The following NUBPL variants were observed in gnomAD, a reference collection of about 807,000 sequenced individuals.
NUBPL encodes NUBP iron-sulfur cluster assembly factor, mitochondrial.
A neutral mutation model predicts 45.7 loss-of-function variants in NUBPL; 31 were observed. The observed-to-expected ratio is 0.68, with a 90% CI of 0.51 to 0.92. The LOEUF is 0.92. Among genes scored for constraint, NUBPL ranks in the 40% least tolerant of loss-of-function variants. The pLI is 0.00. For missense variants in NUBPL, 401 were observed against 398.7 expected (o/e 1.01, Z -0.05); for synonymous variants, 144 against 140.9 (o/e 1.02, Z -0.15).
At chr14:31,641,866 A>ATG (rs1289674999) in intron 4 of NUBPL, among the ~76,000 whole-genome samples, 19 of 152,212 alleles carry the variant, frequency 1.2e-4, no homozygotes, top group Non-Finnish European at 2.1e-4. Flanking sequence ...TTTTGACAAA[A>ATG]GCCATTTTAA....
intron 8 of NUBPL, among the ~76,000 whole-genome samples, chr14:31,831,885 G>T (rs1484032048): frequency 6.6e-6 from 1 of 152,138 alleles, no homozygotes; most frequent in Non-Finnish European, 1.5e-5. Context: ...ATCTGATAGA[G>T]ATGAATAAAA....
intron 3 of NUBPL, among the ~76,000 whole-genome samples, chr14:31,573,409 T>C (rs75627265): frequency 0.062 from 9,418 of 152,194 alleles, 408 homozygotes; most frequent in Non-Finnish European, 0.091. Flanking sequence ...TGCATATCTC[T>C]CCTGGGTACT....
chr14:31,693,157 TC>T (rs1449919664), intron 6 of NUBPL, among the ~76,000 whole-genome samples: 2 of 152,212 alleles, frequency 1.3e-5, no homozygotes, highest in Non-Finnish European at 2.9e-5. Flanking sequence ...TTTTAAAGGC[TC>T]TTAAAATAGT....
intron 6 of NUBPL, among the ~76,000 whole-genome samples, chr14:31,707,607 T>A (rs1159693820): frequency 1.3e-5 from 2 of 152,170 alleles, no homozygotes; most frequent in Non-Finnish European, 2.9e-5. Context: ...CCCTTGCAAC[T>A]GTTTTAATGT....
intron 6 of NUBPL, among the ~76,000 whole-genome samples, chr14:31,746,915 T>C (rs1263598319): frequency 1.3e-5 from 2 of 151,408 alleles, no homozygotes; most frequent in Non-Finnish European, 2.9e-5. Context: ...ACAAAAAATA[T>C]AAAAATTAGC....
chr14:31,733,926 C>T (rs557257353), intron 6 of NUBPL, among the ~76,000 whole-genome samples: 10 of 152,284 alleles, frequency 6.6e-5, no homozygotes, highest in Non-Finnish European at 1.5e-4. Context: ...CATCATCCAT[C>T]AGCTTCAGAG....
chr14:31,818,155 C>T (rs144674848), intron 7 of NUBPL, among the ~76,000 whole-genome samples: 130 of 152,070 alleles, frequency 8.5e-4, no homozygotes, highest in African/African-American at 3.0e-3. Context: ...AAAGGAGCAC[C>T]CAGATTCATG....
At chr14:31,656,837 C>T (rs911695024) in intron 4 of NUBPL, among the ~76,000 whole-genome samples, 1 of 152,100 alleles carries the variant, frequency 6.6e-6, no homozygotes, top group African/African-American at 2.4e-5. Context: ...TAGACTTGCT[C>T]AATGTAGGGT....
chr14:31,574,347 C>G (rs976905682), intron 3 of NUBPL, among the ~76,000 whole-genome samples: 24 of 151,612 alleles, frequency 1.6e-4, no homozygotes, highest in Non-Finnish European at 2.9e-4. Context: ...TCACTGTAAC[C>G]TCTGTCTCCC....
At chr14:31,575,188 C>T (rs991723618) in intron 3 of NUBPL, among the ~76,000 whole-genome samples, 4 of 152,008 alleles carry the variant, frequency 2.6e-5, no homozygotes, top group Admixed American at 6.6e-5. Context: ...CTTTGAAGTT[C>T]TGTGATCATG....
intron 3 of NUBPL, among the ~76,000 whole-genome samples, chr14:31,587,754 C>A (rs756143453): frequency 2.6e-5 from 4 of 152,138 alleles, no homozygotes; most frequent in Non-Finnish European, 5.9e-5. Context: ...TTACTAGAGG[C>A]TATTTTTCAC....
chr14:31,851,875 T>G (rs2040543231), intron 10 of NUBPL, among the ~76,000 whole-genome samples: 1 of 152,222 alleles, frequency 6.6e-6, no homozygotes, highest in African/African-American at 2.4e-5. Flanking sequence ...TAGATTTTTA[T>G]TATGGTTTTC....
At chr14:31,779,770 T>C (rs2039159518) in intron 6 of NUBPL, among the ~76,000 whole-genome samples, 1 of 152,240 alleles carries the variant, frequency 6.6e-6, no homozygotes, top group African/African-American at 2.4e-5. Flanking sequence ...ACAGATGTAC[T>C]TTTGCTTTCC....
chr14:31,726,540 G>A (rs2037929699), intron 6 of NUBPL, among the ~76,000 whole-genome samples: 1 of 152,184 alleles, frequency 6.6e-6, no homozygotes, highest in African/African-American at 2.4e-5. Flanking sequence ...TTAGTTTGCA[G>A]ATTTCTTCAA....
intron 6 of NUBPL, among the ~76,000 whole-genome samples, chr14:31,676,172 C>G (rs142309925): frequency 6.6e-6 from 1 of 151,944 alleles, no homozygotes; most frequent in Non-Finnish European, 1.5e-5. Flanking sequence ...ACAAGGCATG[C>G]GCCACCACGC....
chr14:31,755,904 G>T lies in NUBPL; in HGVS notation c.514-31876G>T, dbSNP rs531748944. 2.1e-4 allele frequency among the ~76,000 whole-genome samples: 31 copies of T among 150,990 alleles called. No homozygotes were observed. In the East Asian group the frequency reaches 5.8e-3, roughly 28 times the overall value. On this transcript the variant is annotated intron_variant, in intron 6 of 10. Transcript: ENST00000281081. Reference sequence around the variant, plus strand: ...GGTGTAAGGAAGGGATCCAGTTTCAGCTTTGTACATATGGCTAGCCAGTTT... The same window carrying T: ...GGTGTAAGGAAGGGATCCAGTTTCATCTTTGTACATATGGCTAGCCAGTTT...
chr14:31,752,566 A>G (rs1350190778), intron 6 of NUBPL, among the ~76,000 whole-genome samples: 1 of 152,204 alleles, frequency 6.6e-6, no homozygotes, highest in Non-Finnish European at 1.5e-5. Flanking sequence ...CATTGTCCAT[A>G]TTACTATCAG....
intron 7 of NUBPL, among the ~76,000 whole-genome samples, chr14:31,805,281 T>C (rs2039664206): frequency 6.6e-6 from 1 of 152,166 alleles, no homozygotes; most frequent in South Asian, 2.1e-4. Flanking sequence ...GCTGATGAGA[T>C]TGCAGAGAAA....
chr14:31,838,279 C>CAAAAAAAAAAAAAAAAAA (rs748313330), intron 8 of NUBPL, among the ~76,000 whole-genome samples: 23 of 60,246 alleles, frequency 3.8e-4, no homozygotes, highest in South Asian at 6.7e-4. Context: ...TAATATCCAG[C>CAAAAAAAAAAAAAAAAAA]AAAAAAAAAA....
Sources: allele counts gnomAD v4.1 joint callset (sites outside exome capture counted in the v4.1 genomes callset), GRCh38; gene constraint gnomAD v4.1.1; transcripts MANE v1.5; gene names NCBI Gene and HGNC (gene_info 2026-07-23, HGNC 2026-07-21).